Variants in RIPK2 observed in about 807,000 individuals in gnomAD.
The protein encoded by RIPK2 is receptor interacting serine/threonine kinase 2.
RIPK2 carries 38 observed loss-of-function variants against 60.9 expected under a neutral mutation model. The observed-to-expected ratio is 0.62, with a 90% CI of 0.48 to 0.82. The LOEUF (loss-of-function observed/expected upper bound fraction) is 0.82, where lower values mean the gene tolerates loss of function less well. Ranked by LOEUF, RIPK2 falls within the 40% of genes least tolerant of loss-of-function variation. The pLI, the probability that RIPK2 is intolerant of heterozygous loss-of-function variation, is 0.00. For synonymous variants in RIPK2, 225 were observed against 223.4 expected (o/e 1.01, Z -0.06); for missense variants, 518 against 647.0 (o/e 0.80, Z 2.16).
chr8:89,787,639 G>A (rs1809607841), intron 9 of RIPK2, among the ~76,000 whole-genome samples: 1 of 152,244 alleles, frequency 6.6e-6, no homozygotes, highest in African/African-American at 2.4e-5. Flanking sequence ...TAAGAGCTAA[G>A]TAGATTGGAG....
At position 89,784,035 on chromosome 8, in the gene RIPK2, A is replaced by G; in HGVS notation, c.940-15A>G. 1 of 1,328,878 alleles carries G rather than the reference A, an allele frequency of 7.5e-7. No individual in the cohort carries two copies. Among genetic ancestry groups the G allele is most frequent in the Non-Finnish European group, 1.1e-6 (1 of 951,324 alleles). The allele number at this position is 1,328,878 out of a possible 1,614,324, so 82.3% of individuals were successfully genotyped here. A position where few individuals can be genotyped will look rare whatever the true frequency, so the allele number is the denominator to read the frequency against. ...CTCCAGTTAAAGTGTATATATATTT[A>G]TGTATTCATTACAGTTACAGAGTGT... On this transcript the variant is annotated splice_polypyrimidine_tract_variant and intron_variant, in intron 7 of 10. Transcript: ENST00000220751.
At chr8:89,773,334 A>G (rs943213706) in intron 6 of RIPK2, among the ~76,000 whole-genome samples, 7 of 152,200 alleles carry the variant, frequency 4.6e-5, no homozygotes, top group African/African-American at 9.6e-5. Flanking sequence ...AGAGCCAGTC[A>G]TTCAAATGCT....
chr8:89,759,587 C>G, intron 1 of RIPK2: 1 of 360,660 alleles, frequency 2.8e-6, no homozygotes, highest in Non-Finnish European at 5.5e-6. Flanking sequence ...TGGGACACTT[C>G]TAGAGCTTGT....
rs141333809 is a variant in RIPK2 at position 89,781,263 on chromosome 8, A to G, written c.939+1103A>G. ...GGAACTAAAGAGGAACTGTGTTTTC[A>G]TTCTTTTAATAACTTTTCACTGGCT... On this transcript the variant is annotated intron_variant, in intron 7 of 10. Coordinates refer to ENST00000220751, the MANE Select transcript of RIPK2 (RefSeq NM_003821.6). Among the ~76,000 whole-genome samples, 9 of 152,040 alleles carry G rather than the reference A, an allele frequency of 5.9e-5. No individual in the cohort carries two copies. In the South Asian group the frequency reaches 1.0e-3, roughly 18 times the overall value.
At chr8:89,781,218 A>G (rs1809493557) in intron 7 of RIPK2, among the ~76,000 whole-genome samples, 2 of 151,950 alleles carry the variant, frequency 1.3e-5, no homozygotes. Context: ...CTTGGTTTCA[A>G]AGGGAAATGC....
intron 2 of RIPK2, 129 bp downstream of exon 2, chr8:89,763,111 TC>T (rs1031087126): frequency 8.2e-5 from 46 of 559,768 alleles, no homozygotes; most frequent in Admixed American, 8.6e-5. Flanking sequence ...TGAAAAACTA[TC>T]ACAGGGATAA....
chr8:89,763,190 T>G (rs1342572478), intron 2 of RIPK2, among the ~76,000 whole-genome samples: 1 of 152,174 alleles, frequency 6.6e-6, no homozygotes, highest in Non-Finnish European at 1.5e-5. Flanking sequence ...TACTCTAGAT[T>G]ATTTTGCCTG....
At chr8:89,780,719 C>G (rs1016475343) in intron 7 of RIPK2, 1 of 151,980 alleles carries the variant, frequency 6.6e-6, no homozygotes, top group Non-Finnish European at 1.5e-5. Context: ...ATTTAATGTA[C>G]ATTTTTTTCT....
chr8:89,762,482 T>A (rs1246037547), intron 1 of RIPK2, among the ~76,000 whole-genome samples: 1 of 152,194 alleles, frequency 6.6e-6, no homozygotes, highest in Non-Finnish European at 1.5e-5. Context: ...AACTTAATCA[T>A]GTAATTAGTT....
At chr8:89,771,630 T>C (rs1456053459) in intron 4 of RIPK2, 111 bp from the exon 5 acceptor site, 6 of 653,698 alleles carry the variant, frequency 9.2e-6, no homozygotes, top group Non-Finnish European at 1.6e-5. Context: ...TTTGCTGCCT[T>C]ATCACTTTGA....
chr8:89,762,867 A>G lies in RIPK2; in HGVS notation c.212A>G (p.His71Arg). ...GTCTTAAGAGAAGCTGAAATTTTAC[A>G]CAAAGCTAGATTTAGTTACATTCTT... ...KDVLREAEIL[H>R]KARFSYILPI... Residue 71 changes from histidine to arginine, a missense_variant, in exon 2 of 11, where the codon CAC (histidine) becomes CGC (arginine). His to Arg is a conservative substitution (Grantham distance 29). Coordinates refer to ENST00000220751, the MANE Select transcript of RIPK2 (RefSeq NM_003821.6). 6.7e-7 allele frequency: 1 copy of G among 1,502,446 alleles called. No individual in the cohort carries two copies. The highest frequency in any genetic ancestry group is 9.0e-7 in the Non-Finnish European group (1 of 1,114,838). 93.1% of individuals were successfully genotyped at this position (1,502,446 alleles called of 1,614,324 possible). A position where few individuals can be genotyped will look rare whatever the true frequency, so the allele number is the denominator to read the frequency against.
intron 6 of RIPK2, among the ~76,000 whole-genome samples, chr8:89,774,561 C>T (rs971964857): frequency 5.9e-5 from 9 of 152,126 alleles, no homozygotes; most frequent in African/African-American, 2.2e-4. Flanking sequence ...GAAATGAAAA[C>T]ATATGTTCAC....
intron 2 of RIPK2, among the ~76,000 whole-genome samples, chr8:89,763,906 T>C (rs1182940206): frequency 6.6e-6 from 1 of 152,156 alleles, no homozygotes; most frequent in Non-Finnish European, 1.5e-5. Context: ...ACAATTTCTC[T>C]TTTATTTTTG....
intron 1 of RIPK2, among the ~76,000 whole-genome samples, chr8:89,759,093 G>A (rs905774214): frequency 2.6e-5 from 4 of 152,294 alleles, no homozygotes; most frequent in Admixed American, 6.5e-5. Flanking sequence ...CTCTCACAGG[G>A]AAGATTAAGT....
chr8:89,765,445 T>C lies in RIPK2; in HGVS notation c.432T>C (p.His144=). 1 of 1,600,000 alleles carries C rather than the reference T, an allele frequency of 6.3e-7. No homozygotes were observed. Among genetic ancestry groups the C allele is most frequent in the Non-Finnish European group, 8.6e-7 (1 of 1,167,950 alleles). Reference sequence around the variant, plus strand: ...ACAATATGACTCCTCCTTTACTTCATCATGACTTGAAGACTCAGAATATCT... The same window carrying C: ...ACAATATGACTCCTCCTTTACTTCACCATGACTTGAAGACTCAGAATATCT... ...YLHNMTPPLL[H]HDLKTQNILL... The change falls in exon 3 of 11, where the codon CAT becomes CAC. Residue 144 remains histidine, a synonymous_variant. Transcript: ENST00000220751.
chr8:89,767,484 T>A (rs2130551965), intron 3 of RIPK2, among the ~76,000 whole-genome samples: 1 of 151,716 alleles, frequency 6.6e-6, no homozygotes, highest in African/African-American at 2.4e-5. Context: ...AATAAAGTGG[T>A]AGGGGAAAGG....
Position 89,769,808 on chromosome 8 carries a change from T to A in RIPK2, c.520T>A (p.Ser174Thr). The change falls in exon 4 of 11, where the codon TCC (serine) becomes ACC (threonine). Residue 174 changes from serine (S) to threonine (T), a missense_variant. Physicochemically the swap from Ser to Thr is moderately conservative, Grantham distance 58. This residue lies in a region of RIPK2 where 448 missense variants were observed against 534.7 expected (regional missense o/e 0.84). Coordinates refer to ENST00000220751, the MANE Select transcript of RIPK2 (RefSeq NM_003821.6). Reference protein sequence around the residue: ...DFGLSKWRMMSLSQSRSSKSA... With the variant: ...DFGLSKWRMMTLSQSRSSKSA... Reference sequence around the variant, plus strand: ...TGGTTTATCAAAGTGGCGCATGATGTCCCTCTCACAGTCACGAAGTAGCAA... The same window carrying A: ...TGGTTTATCAAAGTGGCGCATGATGACCCTCTCACAGTCACGAAGTAGCAA... 6.2e-7 allele frequency: 1 copy of A among 1,606,420 alleles called. No homozygotes were observed. Among genetic ancestry groups the A allele is most frequent in the Non-Finnish European group, 8.5e-7 (1 of 1,176,340 alleles).
intron 6 of RIPK2, among the ~76,000 whole-genome samples, chr8:89,777,187 A>G (rs573052643): frequency 6.6e-6 from 1 of 152,378 alleles, no homozygotes; most frequent in African/African-American, 2.4e-5. Flanking sequence ...ACTGATCAGT[A>G]CAGGGTGAAG....
chr8:89,768,217 C>G (rs1159254173), intron 3 of RIPK2, among the ~76,000 whole-genome samples: 1 of 151,596 alleles, frequency 6.6e-6, no homozygotes, highest in Non-Finnish European at 1.5e-5. Flanking sequence ...ACAAAGTACA[C>G]AAAATAATGT....
Sources: allele counts gnomAD v4.1 joint callset (sites outside exome capture counted in the v4.1 genomes callset), GRCh38; gene constraint gnomAD v4.1.1; regional missense constraint gnomAD v4.1.1; transcripts MANE v1.5; gene names NCBI Gene and HGNC (gene_info 2026-07-23, HGNC 2026-07-21).